Variants in SHISAL1 observed in about 807,000 individuals in gnomAD.
SHISAL1 encodes the protein shisa like 1, also known as protein shisa-like-1.
Under a neutral mutation model 22.6 loss-of-function variants are expected in SHISAL1, and 9 were observed. The observed-to-expected ratio is 0.40, with a 90% CI of 0.24 to 0.70. The LOEUF (loss-of-function observed/expected upper bound fraction) is 0.70. Among genes scored for constraint, SHISAL1 ranks in the 30% least tolerant of loss-of-function variants. The pLI, the probability that SHISAL1 is intolerant of heterozygous loss-of-function variation, is 0.39. For synonymous variants in SHISAL1, 119 were observed against 115.4 expected, an observed-to-expected ratio of 1.03 and a Z score of -0.20; for missense variants, 246 against 270.6, an observed-to-expected ratio of 0.91 and a Z score of 0.64.
intron 3 of SHISAL1, among the ~76,000 whole-genome samples, chr22:44,291,928 A>C (rs1358197792): frequency 6.6e-6 from 1 of 151,958 alleles, no homozygotes; most frequent in Non-Finnish European, 1.5e-5. Context: ...TACACTTCTC[A>C]CCACGTCAGG....
At chr22:44,317,223 C>A (rs1268265980), upstream of SHISAL1, among the ~76,000 whole-genome samples, 1 of 152,226 alleles carries the variant, frequency 6.6e-6, no homozygotes, top group Admixed American at 6.5e-5. Context: ...TGCGATTCAG[C>A]TCCGAGAGCC....
chr22:44,284,177 A>C (rs1399699105), intron 4 of SHISAL1, among the ~76,000 whole-genome samples: 2 of 152,162 alleles, frequency 1.3e-5, no homozygotes, highest in Non-Finnish European at 2.9e-5. Context: ...ATAATAATTG[A>C]AAAGGTCACT....
the SHISAL1 span, among the ~76,000 whole-genome samples, chr22:44,325,653 C>T: frequency 2.6e-5 from 4 of 152,152 alleles, no homozygotes; most frequent in African/African-American, 9.7e-5. Flanking sequence ...ACCTTGCTTC[C>T]CATCTCTGGG....
chr22:44,331,527 G>C, the SHISAL1 span, among the ~76,000 whole-genome samples: 5 of 150,108 alleles, frequency 3.3e-5, no homozygotes, highest in South Asian at 1.0e-3. This position sits in a 1 kb window ranked among gnomAD's most constrained non-coding sequence, Gnocchi z 5.2. Flanking sequence ...TCCTCGCTTC[G>C]TAGCCGGGAG....
intron 4 of SHISAL1, among the ~76,000 whole-genome samples, chr22:44,253,832 C>CTGTGTGTGTGTGTGTG (rs61001074): frequency 0.011 from 1,676 of 149,264 alleles, 24 homozygotes; most frequent in East Asian, 0.043. Context: ...AATCTAACAA[C>CTGTGTGTGTGTGTGTG]TGTGTGTGTG....
the SHISAL1 span, among the ~76,000 whole-genome samples, chr22:44,323,507 C>T: frequency 1.8e-5 from 2 of 112,062 alleles, no homozygotes; most frequent in African/African-American, 3.4e-5. Context: ...CATCCATCAA[C>T]CATCCATCCA....
chr22:44,277,025 C>G (rs971765921), intron 4 of SHISAL1, among the ~76,000 whole-genome samples: 10 of 152,228 alleles, frequency 6.6e-5, no homozygotes, highest in African/African-American at 2.4e-4. Context: ...CTAAGCTGCT[C>G]TCTCTGCCGG....
chr22:44,305,288 C>A (rs1031276895), intron 1 of SHISAL1, among the ~76,000 whole-genome samples: 3 of 152,232 alleles, frequency 2.0e-5, no homozygotes, highest in Non-Finnish European at 2.9e-5. Context: ...TCTAGGAACA[C>A]AGAAGAGGTG....
intron 3 of SHISAL1, among the ~76,000 whole-genome samples, chr22:44,285,954 C>A (rs2055312545): frequency 6.6e-6 from 1 of 152,192 alleles, no homozygotes; most frequent in Admixed American, 6.5e-5. Flanking sequence ...CTGCCCGGGC[C>A]TGGTCCCCAC....
At chr22:44,314,672 C>A (rs1486476667), upstream of SHISAL1, among the ~76,000 whole-genome samples, 2 of 152,124 alleles carry the variant, frequency 1.3e-5, no homozygotes, top group African/African-American at 4.8e-5. Flanking sequence ...TGGGTCTTTG[C>A]CTCAGCAACT....
Position 44,245,012 on chromosome 22 carries a change from C to T in SHISAL1, c.*4673G>A, listed in dbSNP as rs1222630416. ...GCGCAGGCTTGTCTTCCAGAGGGCA[C>T]AGGGTATGGCCCCAGCCCAGTGAGG... is the stretch of plus-strand genomic sequence containing the variant. On this transcript the variant is annotated 3_prime_UTR_variant, in exon 5 of 5. Transcript: ENST00000381176. 4 of 152,326 alleles carry T rather than the reference C, an allele frequency of 2.6e-5. No homozygotes were observed. Among genetic ancestry groups the T allele is most frequent in the African/African-American group, 9.7e-5 (4 of 41,446 alleles). 9.4% of individuals were successfully genotyped at this position (152,326 alleles called of 1,614,324 possible).
intron 4 of SHISAL1, among the ~76,000 whole-genome samples, chr22:44,267,892 G>T (rs1412250883): frequency 6.6e-6 from 1 of 152,248 alleles, no homozygotes; most frequent in South Asian, 2.1e-4. Context: ...GCCATGGAAG[G>T]CTGTGGATGC....
the SHISAL1 span, among the ~76,000 whole-genome samples, chr22:44,320,866 G>A: frequency 1.3e-5 from 2 of 152,206 alleles, no homozygotes; most frequent in Non-Finnish European, 1.5e-5. Flanking sequence ...CAGCACTGTG[G>A]GGCAGTGGAG....
intron 4 of SHISAL1, among the ~76,000 whole-genome samples, chr22:44,267,909 G>A (rs2055175995): frequency 6.6e-6 from 1 of 152,244 alleles, no homozygotes; most frequent in African/African-American, 2.4e-5. Context: ...ATGCCCAGCT[G>A]AGGGCCTGTC....
the SHISAL1 span, among the ~76,000 whole-genome samples, chr22:44,320,424 A>C: frequency 6.6e-6 from 1 of 152,208 alleles, no homozygotes; most frequent in Non-Finnish European, 1.5e-5. Flanking sequence ...GGGGGCAGGG[A>C]GGAGGTGCGA....
chr22:44,319,863 C>T, the SHISAL1 span, among the ~76,000 whole-genome samples: 2 of 152,116 alleles, frequency 1.3e-5, no homozygotes, highest in Non-Finnish European at 2.9e-5. Context: ...AAGGGGTCGT[C>T]AGTGTGGGAG....
chr22:44,331,202 AAC>A, the SHISAL1 span, among the ~76,000 whole-genome samples: 3 of 151,666 alleles, frequency 2.0e-5, no homozygotes, highest in Non-Finnish European at 4.4e-5. The surrounding 1 kb of genome is among the most constrained non-coding windows in gnomAD (Gnocchi z 5.2). Flanking sequence ...CCCAGTGCCG[AAC>A]ACCGGCTGTC....
In SHISAL1 at chr22:44,248,796, C is replaced by T. The variant is rs1377763836; in HGVS notation, c.*889G>A. 3.9e-5 allele frequency: 6 copies of T among 152,256 alleles called. No individual in the cohort carries two copies. The South Asian group carries it at 1.0e-3, about 26-fold the overall frequency. 9.4% of individuals were successfully genotyped at this position (152,256 alleles called of 1,614,324 possible). On this transcript the variant is annotated 3_prime_UTR_variant, in exon 5 of 5. Coordinates refer to ENST00000381176, the MANE Select transcript of SHISAL1 (RefSeq NM_001099294.2). ...TCCCAGCATTGTGCAGGGTGTACCC[C>T]GGCTGGCGAGCATGTCACGTCCAGG...
At chr22:44,298,526 T>G (rs1180385717) in intron 2 of SHISAL1, among the ~76,000 whole-genome samples, 1 of 152,224 alleles carries the variant, frequency 6.6e-6, no homozygotes, top group East Asian at 1.9e-4. Context: ...TTCCGGTCAC[T>G]GTCTGGGTCA....
Sources: allele counts gnomAD v4.1 joint callset (sites outside exome capture counted in the v4.1 genomes callset), GRCh38; gene constraint gnomAD v4.1.1; non-coding constraint Gnocchi (gnomAD v3.1); transcripts MANE v1.5; gene names NCBI Gene and HGNC (gene_info 2026-07-23, HGNC 2026-07-21).